The following TRIM63 variants were observed in gnomAD, a reference collection of about 807,000 sequenced individuals.
TRIM63 encodes the protein E3 ubiquitin-protein ligase TRIM63.
A neutral mutation model predicts 46.0 loss-of-function variants in TRIM63; 48 were observed. The ratio of observed to expected loss-of-function variants is 1.04; its 90% confidence interval spans 0.83 to 1.33. The LOEUF (loss-of-function observed/expected upper bound fraction) is 1.33. Among genes scored for constraint, TRIM63 ranks in the 40% most tolerant of loss-of-function variants. The pLI is 0.00. For missense variants in TRIM63, 455 were observed against 441.2 expected, an observed-to-expected ratio of 1.03 and a Z score of -0.28; for synonymous variants, 175 against 162.8, an observed-to-expected ratio of 1.08 and a Z score of -0.57.
At position 26,061,233 on chromosome 1, in the gene TRIM63, C is replaced by T. The variant is rs202072815; in HGVS notation, c.434G>A (p.Cys145Tyr). The T allele has an allele frequency of 8.2e-5, 132 of 1,614,080 alleles. 1 individual carries two copies. Among genetic ancestry groups the T allele is most frequent in the Non-Finnish European group, 1.1e-4 (129 of 1,180,030 alleles). The change falls in exon 3 of 9, where the codon TGC (cysteine) becomes TAC (tyrosine). Residue 145 changes from cysteine to tyrosine, a missense_variant. Physicochemically the swap from Cys to Tyr is radical, Grantham distance 194. Transcript: ENST00000374272. ...LTCEVPTCSM[C>Y]KVFGIHKACE... is the part of the protein sequence containing the mutation. Reference sequence around the variant, plus strand: ...GGCCTTGTGGATCCCAAACACCTTGCACATGGAGCAGGTGGGCACCTCACA... The same window carrying T: ...GGCCTTGTGGATCCCAAACACCTTGTACATGGAGCAGGTGGGCACCTCACA...
intron 7 of TRIM63, 41 bp from the exon 8 acceptor site, chr1:26,054,005 C>A: frequency 7.0e-7 from 1 of 1,433,354 alleles, no homozygotes; most frequent in Non-Finnish European, 9.5e-7. Context: ...GGGCCGGTTC[C>A]TTGAGGAGCT....
At chr1:26,064,106 G>T (rs904880711) in intron 2 of TRIM63, among the ~76,000 whole-genome samples, 5 of 152,160 alleles carry the variant, frequency 3.3e-5, no homozygotes, top group Non-Finnish European at 7.3e-5. Context: ...GACCAGCCCG[G>T]CCAACGTGGT....
chr1:26,055,250 C>G (rs932164882), intron 7 of TRIM63, among the ~76,000 whole-genome samples: 1 of 152,144 alleles, frequency 6.6e-6, no homozygotes, highest in Non-Finnish European at 1.5e-5. Flanking sequence ...AGTGGCTTAC[C>G]CTCTCTGAGC....
intron 4 of TRIM63, among the ~76,000 whole-genome samples, chr1:26,058,934 C>T (rs1243146436): frequency 6.6e-6 from 1 of 152,132 alleles, no homozygotes. Flanking sequence ...CCCCCTGTCC[C>T]CCAACCTCAG....
At chr1:26,066,518 C>G (rs933055281) in intron 1 of TRIM63, 78 bp from the exon 2 acceptor site, 1 of 1,359,492 alleles carries the variant, frequency 7.4e-7, no homozygotes, top group East Asian at 2.6e-5. Context: ...CTTATCCTTT[C>G]CTCTGCCTAT....
chr1:26,063,210 G>A (rs566626191), intron 2 of TRIM63, among the ~76,000 whole-genome samples: 1 of 152,162 alleles, frequency 6.6e-6, no homozygotes, highest in South Asian at 2.1e-4. Flanking sequence ...GCTGCAACTG[G>A]TGCATACCAC....
intron 4 of TRIM63, among the ~76,000 whole-genome samples, chr1:26,059,829 T>C (rs2050606652): frequency 6.6e-6 from 1 of 152,206 alleles, no homozygotes; most frequent in African/African-American, 2.4e-5. Flanking sequence ...TGGCTAGAAA[T>C]GCAGCTCTTA....
chr1:26,065,757 A>G (rs188806631), intron 2 of TRIM63, among the ~76,000 whole-genome samples: 2 of 152,298 alleles, frequency 1.3e-5, no homozygotes, highest in East Asian at 3.9e-4. Context: ...GGGAAACCTT[A>G]GCTAATTGAT....
intron 2 of TRIM63, among the ~76,000 whole-genome samples, chr1:26,064,025 G>C (rs1277471425): frequency 1.3e-5 from 2 of 152,264 alleles, no homozygotes; most frequent in Non-Finnish European, 2.9e-5. Flanking sequence ...GCCAGGCGCG[G>C]TGGCCCACGC....
chr1:26,062,282 AAAAGAAAG>A (rs1225190107), intron 2 of TRIM63, among the ~76,000 whole-genome samples: 3 of 150,332 alleles, frequency 2.0e-5, no homozygotes, highest in South Asian at 2.1e-4. Context: ...AAAAAAAAAA[AAAAGAAAG>A]AAAGAAAGAA....
intron 1 of TRIM63, 62 bp from the exon 2 acceptor site, chr1:26,066,502 T>C: frequency 7.0e-7 from 1 of 1,420,044 alleles, no homozygotes; most frequent in Non-Finnish European, 9.3e-7. Flanking sequence ...TCTTTTCTAA[T>C]CTCCTCTTAT....
chr1:26,060,142 C>T (rs2050609493), intron 4 of TRIM63, 124 bp downstream of exon 4: 1 of 703,916 alleles, frequency 1.4e-6, no homozygotes, highest in Non-Finnish European at 2.5e-6. Flanking sequence ...CCTGCCATCC[C>T]TGCTTGACCG....
intron 3 of TRIM63, 71 bp from the exon 4 acceptor site, chr1:26,060,432 C>T (rs1569738403): frequency 7.6e-6 from 9 of 1,185,996 alleles, no homozygotes; most frequent in East Asian, 4.7e-5. Context: ...TGGGGCATGG[C>T]AGCAACATGG....
intron 8 of TRIM63, among the ~76,000 whole-genome samples, chr1:26,052,500 T>C (rs2050531415): frequency 6.6e-6 from 1 of 152,162 alleles, no homozygotes; most frequent in South Asian, 2.1e-4. Flanking sequence ...AGTTTCACTC[T>C]TTTGCCCAGG....
At chr1:26,056,278 G>A (rs1201607234) in intron 7 of TRIM63, among the ~76,000 whole-genome samples, 3 of 152,062 alleles carry the variant, frequency 2.0e-5, no homozygotes, top group Non-Finnish European at 4.4e-5. Context: ...TGTTACGGTT[G>A]CATTGTTACA....
intron 2 of TRIM63, among the ~76,000 whole-genome samples, chr1:26,063,798 A>G (rs568670251): frequency 6.6e-6 from 1 of 152,366 alleles, no homozygotes; most frequent in South Asian, 2.1e-4. Context: ...GCAGACCCTC[A>G]ATAGAGGGCA....
rs191648198 is a variant in TRIM63, at chr1:26,058,575, A to G, written c.646T>C (p.Leu216=). ...KEELSQKFDT[L]YAILDEKKSE... is the part of the protein sequence containing the mutation. ...TTCTTCTCATCCAGGATGGCATACAACGTGTCAAACTTCTGGCTCAGCTCT... is the reference window on the plus strand; with the variant it reads ...TTCTTCTCATCCAGGATGGCATACAGCGTGTCAAACTTCTGGCTCAGCTCT... The change falls in exon 5 of 9, where the codon TTG becomes CTG. Residue 216 remains leucine (L), a synonymous_variant. Transcript: ENST00000374272. 2.5e-5 allele frequency: 41 copies of G among 1,614,132 alleles called. 1 individual carries two copies. The African/African-American group carries it at 4.1e-4, about 16-fold the overall frequency.
Position 26,051,781 on chromosome 1 carries a change from C to CCA in TRIM63, c.*91_*92insTG. The CCA allele has an allele frequency of 1.5e-5, 10 of 684,622 alleles. No homozygotes were observed. The highest frequency in any genetic ancestry group is 1.9e-5 in the African/African-American group (1 of 53,488). The allele number at this position is 684,622 out of a possible 1,614,324, so 42.4% of individuals were successfully genotyped here. A position where few individuals can be genotyped will look rare whatever the true frequency, so the allele number is the denominator to read the frequency against. ...ATTGCCCCTCCAGGGGCCCCGACCCCTCCCACCCTGGGCCTGTCACCAAGG... is the reference window on the plus strand; with the variant it reads ...ATTGCCCCTCCAGGGGCCCCGACCCCCATCCCACCCTGGGCCTGTCACCAAGG... On this transcript the variant is annotated 3_prime_UTR_variant, in exon 9 of 9. Transcript: ENST00000374272.
At chr1:26,052,230 C>A (rs560624866) in intron 8 of TRIM63, among the ~76,000 whole-genome samples, 2 of 152,342 alleles carry the variant, frequency 1.3e-5, no homozygotes, top group East Asian at 3.9e-4. Context: ...TCACTTCCCA[C>A]TACAACCTTT....
Sources: allele counts gnomAD v4.1 joint callset (sites outside exome capture counted in the v4.1 genomes callset), GRCh38; gene constraint gnomAD v4.1.1; transcripts MANE v1.5; gene names NCBI Gene and HGNC (gene_info 2026-07-23, HGNC 2026-07-21).